The following EYS variants were observed in gnomAD, a reference collection of about 807,000 sequenced individuals.
EYS encodes protein eyes shut homolog.
A neutral mutation model predicts 282.1 loss-of-function variants in EYS; 250 were observed. The observed-to-expected ratio is 0.89, with a 90% CI of 0.80 to 0.98. The LOEUF is 0.98. EYS is among the 50% of genes least tolerant of loss of function. The pLI, the probability that EYS is intolerant of heterozygous loss-of-function variation, is 0.00. For missense variants in EYS, 4,016 were observed against 3,709.0 expected (o/e 1.08, Z -2.15); for synonymous variants, 1,355 against 1,282.9 (o/e 1.06, Z -1.20).
intron 5 of EYS, among the ~76,000 whole-genome samples, chr6:65,474,363 C>T (rs1024477797): frequency 1.1e-4 from 17 of 152,162 alleles, no homozygotes; most frequent in African/African-American, 4.1e-4. Flanking sequence ...AAAATAGTTT[C>T]AGCAAAATTT....
At chr6:65,512,338 A>G (rs1232710954) in intron 2 of EYS, among the ~76,000 whole-genome samples, 9 of 151,782 alleles carry the variant, frequency 5.9e-5, no homozygotes, top group Admixed American at 5.9e-4. Context: ...TAAAAATACA[A>G]AAAATTAGCC....
chr6:64,448,276 G>C (rs1775188948), intron 26 of EYS, among the ~76,000 whole-genome samples: 2 of 152,332 alleles, frequency 1.3e-5, no homozygotes, highest in Middle Eastern at 6.8e-3. Context: ...AGCAGTCTGA[G>C]ATCAAACTGC....
intron 13 of EYS, among the ~76,000 whole-genome samples, chr6:65,033,259 T>C (rs187423708): frequency 1.2e-4 from 19 of 152,224 alleles, no homozygotes; most frequent in African/African-American, 4.6e-4. Flanking sequence ...CCTGGTCATA[T>C]GGAAGAGAAA....
intron 22 of EYS, among the ~76,000 whole-genome samples, chr6:64,696,246 T>G (rs148890230): frequency 1.3e-5 from 2 of 152,250 alleles, no homozygotes; most frequent in African/African-American, 4.8e-5. Flanking sequence ...AACAGTAGAA[T>G]AGACCGAGCA....
intron 31 of EYS, among the ~76,000 whole-genome samples, chr6:64,120,394 A>G (rs1773544087): frequency 6.7e-6 from 1 of 149,834 alleles, no homozygotes; most frequent in African/African-American, 2.4e-5. Context: ...AAAAACTTAT[A>G]TCTTTTTAGA....
intron 28 of EYS, among the ~76,000 whole-genome samples, chr6:64,426,213 T>G (rs1295625887): frequency 6.6e-6 from 1 of 152,242 alleles, no homozygotes; most frequent in Non-Finnish European, 1.5e-5. Flanking sequence ...GAAGGTCGTA[T>G]AGAGTGACCA....
chr6:65,444,585 A>G (rs10944800), intron 5 of EYS, among the ~76,000 whole-genome samples: 28,162 of 151,914 alleles, frequency 0.19, 3,260 homozygotes, highest in Middle Eastern at 0.3. Flanking sequence ...AAGTATTTCT[A>G]ATCCTCCTTT....
In EYS at chr6:64,388,723, A is replaced by T. The variant is rs774950322; in HGVS notation, c.6045T>A (p.Ile2015=). 1 of 1,541,966 alleles carries T rather than the reference A, an allele frequency of 6.5e-7. No homozygotes were observed. Among genetic ancestry groups the T allele is most frequent in the Non-Finnish European group, 8.8e-7 (1 of 1,142,566 alleles). The part of the protein sequence containing the change: ...KPLPKSGSVF[I]GGFPDLHGKI... The stretch of plus-strand genomic sequence containing the variant: ...TCCCATGAAGGTCTGGAAATCCACC[A>T]ATGAAGACAGATCCTGATTTTGGCA... Residue 2015 remains isoleucine, a synonymous_variant, in exon 29 of 43, where the codon ATT becomes ATA. Coordinates refer to ENST00000503581, the MANE Select transcript of EYS (RefSeq NM_001142800.2).
intron 31 of EYS, among the ~76,000 whole-genome samples, chr6:64,096,643 G>A (rs143770119): frequency 0.013 from 1,980 of 152,190 alleles, 24 homozygotes; most frequent in Middle Eastern, 0.031. Flanking sequence ...ATTCTAGTTA[G>A]CCATTCGTCT....
At chr6:63,937,673 G>C (rs560203533) in intron 35 of EYS, among the ~76,000 whole-genome samples, 1 of 152,028 alleles carries the variant, frequency 6.6e-6, no homozygotes, top group South Asian at 2.1e-4. Flanking sequence ...GAGCCACCGC[G>C]CCTGGCCAGG....
At chr6:65,610,862 C>CA (rs1380287433) in intron 2 of EYS, among the ~76,000 whole-genome samples, 8 of 151,938 alleles carry the variant, frequency 5.3e-5, no homozygotes, top group African/African-American at 1.9e-4. Context: ...TTTTTCCTAG[C>CA]AAAAAGCTCA....
chr6:65,286,564 G>A (rs1281710214), intron 12 of EYS, among the ~76,000 whole-genome samples: 1 of 151,694 alleles, frequency 6.6e-6, no homozygotes, highest in Non-Finnish European at 1.5e-5. Flanking sequence ...TGTCTTTAAT[G>A]TTGATAAAAC....
At chr6:64,042,993 T>C (rs899805238) in intron 33 of EYS, among the ~76,000 whole-genome samples, 1 of 152,184 alleles carries the variant, frequency 6.6e-6, no homozygotes, top group African/African-American at 2.4e-5. Context: ...ACAAGTTATT[T>C]ACTATCTCTG....
chr6:64,137,823 T>C (rs528978643), intron 31 of EYS, among the ~76,000 whole-genome samples: 1 of 152,194 alleles, frequency 6.6e-6, no homozygotes, highest in South Asian at 2.1e-4. Context: ...ATGAGAATCA[T>C]CAAAATGTGG....
chr6:65,598,422 C>T (rs963202658), intron 2 of EYS, among the ~76,000 whole-genome samples: 7 of 151,730 alleles, frequency 4.6e-5, no homozygotes, highest in African/African-American at 1.7e-4. Flanking sequence ...GATTTTTAAC[C>T]AATATTTATG....
At chr6:64,651,155 A>T (rs1030384937) in intron 22 of EYS, among the ~76,000 whole-genome samples, 3 of 152,168 alleles carry the variant, frequency 2.0e-5, no homozygotes, top group African/African-American at 7.2e-5. Flanking sequence ...AAAAAGGTCC[A>T]CATGAATATT....
chr6:63,734,470 G>A (rs1370643209), intron 41 of EYS, among the ~76,000 whole-genome samples: 1 of 152,114 alleles, frequency 6.6e-6, no homozygotes, highest in Non-Finnish European at 1.5e-5. Context: ...TGAGAATACA[G>A]TGACGAATGC....
chr6:63,761,019 A>C (rs1469252826), intron 41 of EYS, among the ~76,000 whole-genome samples: 1 of 149,578 alleles, frequency 6.7e-6, no homozygotes, highest in Non-Finnish European at 1.5e-5. Context: ...AGTTTTTATT[A>C]TTGCTATTAA....
chr6:65,386,240 C>T (rs1355790562), intron 7 of EYS, among the ~76,000 whole-genome samples: 1 of 151,328 alleles, frequency 6.6e-6, no homozygotes, highest in African/African-American at 2.4e-5. Flanking sequence ...TAAGAGACCC[C>T]CCAAATACTA....
Sources: gnomAD v4.1 joint callset for allele counts (sites outside exome capture counted in the v4.1 genomes callset) on GRCh38, gnomAD v4.1.1 for gene constraint, MANE v1.5 for transcripts, NCBI Gene and HGNC (gene_info 2026-07-23, HGNC 2026-07-21) for gene names.